DHRSX: variants seen among roughly 807,000 people sequenced by gnomAD.
DHRSX encodes the protein dehydrogenase/reductase X-linked.
In DHRSX, 31 loss-of-function variants were observed where a neutral mutation model predicts 34.0. The ratio of observed to expected loss-of-function variants is 0.91; its 90% CI spans 0.69 to 1.23. The LOEUF (loss-of-function observed/expected upper bound fraction) is 1.23. Ranked by LOEUF, DHRSX falls within the 50% of genes most tolerant of loss-of-function variation. The pLI is 0.00. For synonymous variants in DHRSX, 201 were observed against 183.8 expected, an observed-to-expected ratio of 1.09 and a Z score of -0.76; for missense variants, 414 against 428.1, an observed-to-expected ratio of 0.97 and a Z score of 0.29.
At chrX:2,426,582 C>G (rs2043851769) in intron 1 of DHRSX, among the ~76,000 whole-genome samples, 1 of 138,568 alleles carries the variant, frequency 7.2e-6, no homozygotes, top group Non-Finnish European at 1.5e-5. Flanking sequence ...TTCTTCATTC[C>G]TTCCTTCCCT....
chrX:2,252,613 T>C (rs1337905304), intron 5 of DHRSX, among the ~76,000 whole-genome samples: 1 of 152,164 alleles, frequency 6.6e-6, no homozygotes, highest in African/African-American at 2.4e-5. Flanking sequence ...ATGGAGGGGT[T>C]GGTTCTGTAA....
At chrX:2,360,537 C>T (rs556012134) in intron 3 of DHRSX, among the ~76,000 whole-genome samples, 795 of 152,144 alleles carry the variant, frequency 5.2e-3, no homozygotes, top group Non-Finnish European at 8.4e-3. Context: ...GAGCCAAGAT[C>T]GCGCCACTGC....
intron 5 of DHRSX, 94 bp from the exon 6 acceptor site, chrX:2,243,324 G>T: frequency 1.8e-6 from 2 of 1,092,218 alleles, no homozygotes; most frequent in Non-Finnish European, 2.7e-6. Context: ...CCACGGCCAC[G>T]TCTATACGCA....
At position 2,322,620 on chromosome X, in the gene DHRSX, G is replaced by A. The variant is rs1362927716; in HGVS notation, c.287-31017C>T. Among the ~76,000 whole-genome samples, 11 of 149,592 alleles carry A rather than the reference G, an allele frequency of 7.4e-5. No homozygotes were observed. The South Asian group carries it at 1.1e-3, about 15-fold the overall frequency. On this transcript the variant is annotated intron_variant, in intron 3 of 6. Transcript: ENST00000334651. ...TGATTCTCAAAGTTCCTTATAAGGC[G>A]ATTCTCCTGCCTCAGCCTCCTGAGT...
intron 4 of DHRSX, among the ~76,000 whole-genome samples, chrX:2,274,011 G>A (rs918463269): frequency 3.9e-5 from 6 of 152,200 alleles, no homozygotes; most frequent in Non-Finnish European, 8.8e-5. Flanking sequence ...GAGCTACTGC[G>A]AGTAATTACG....
chrX:2,299,013 A>AC lies in DHRSX; in HGVS notation c.287-7411_287-7410insG, dbSNP rs2041979717. On this transcript the variant is annotated intron_variant, in intron 3 of 6. Transcript: ENST00000334651. ...AAAAAAAAAAAAAAAAAAAAAAAAAAATGGGAAAAATGTGGAAGGATTCCT... is the reference window on the plus strand; with the variant it reads ...AAAAAAAAAAAAAAAAAAAAAAAAAACATGGGAAAAATGTGGAAGGATTCCT... Among the ~76,000 whole-genome samples, 3 of 149,448 alleles carry AC rather than the reference A, an allele frequency of 2.0e-5. 1 individual carries two copies. The highest frequency in any genetic ancestry group is 2.0e-4 in the Admixed American group (3 of 15,046).
intron 5 of DHRSX, among the ~76,000 whole-genome samples, chrX:2,259,365 G>GATAT (rs1246658058): frequency 2.0e-4 from 21 of 106,332 alleles, no homozygotes; most frequent in Non-Finnish European, 4.1e-4. Flanking sequence ...GATAGATATA[G>GATAT]ATATATATAG....
chrX:2,330,540 A>AAAGGG (rs931926614), intron 3 of DHRSX, among the ~76,000 whole-genome samples: 4 of 141,484 alleles, frequency 2.8e-5, no homozygotes, highest in Admixed American at 7.1e-5. Flanking sequence ...AAAGAAAAGA[A>AAAGGG]AAGGGAAGGG....
Position 2,283,503 on chromosome X carries a change from G to T in DHRSX, c.388+7999C>A, listed in dbSNP as rs180777890. Among the ~76,000 whole-genome samples, 710 of 152,274 alleles carry T rather than the reference G, an allele frequency of 4.7e-3. 5 individuals are homozygous for T. Among genetic ancestry groups the T allele is most frequent in the African/African-American group, 0.015 (604 of 41,552 alleles). On this transcript the variant is annotated intron_variant, in intron 4 of 6. Transcript: ENST00000334651. ...TTCCGTCTTCCCGGGAGGGAGACCA[G>T]ATGACTGTGGAGCCCGAGTCACATA...
intron 1 of DHRSX, chrX:2,486,872 G>C (rs1207407310): frequency 2.0e-5 from 3 of 152,246 alleles, no homozygotes; most frequent in African/African-American, 7.2e-5. Context: ...ATTCTGTGCT[G>C]CTTGCAGCCC....
At chrX:2,274,285 G>A (rs2041595670) in intron 4 of DHRSX, among the ~76,000 whole-genome samples, 2 of 151,840 alleles carry the variant, frequency 1.3e-5, no homozygotes, top group Admixed American at 6.6e-5. Context: ...TGATCCTCCC[G>A]CCTTGGCCTC....
chrX:2,352,059 GC>G (rs2124576112), intron 3 of DHRSX, among the ~76,000 whole-genome samples: 1 of 151,982 alleles, frequency 6.6e-6, no homozygotes, highest in South Asian at 2.1e-4. Context: ...GTGCATTTTT[GC>G]CCCCTAAAAG....
chrX:2,224,656 GCA>G lies in DHRSX; in HGVS notation c.805-3429_805-3428del, dbSNP rs377615886. Among the ~76,000 whole-genome samples the G allele has an allele frequency of 1.7e-3, 265 of 152,030 alleles. 1 individual carries two copies. The highest frequency in any genetic ancestry group is 6.1e-3 in the African/African-American group (252 of 41,476). ...CGCATGGTCACTTACATGCTGACAT[GCA>G]CACATACATTCGTATGTACTCACAT... On this transcript the variant is annotated intron_variant, in intron 6 of 6. Transcript: ENST00000334651.
At chrX:2,286,519 C>T (rs145913659) in intron 4 of DHRSX, among the ~76,000 whole-genome samples, 7,187 of 152,194 alleles carry the variant, frequency 0.047, 363 homozygotes, top group African/African-American at 0.12. Flanking sequence ...ATGGGCTTCA[C>T]GAAGCTCCAT....
intron 6 of DHRSX, among the ~76,000 whole-genome samples, chrX:2,231,622 ATC>A (rs2015884132): frequency 5.4e-5 from 6 of 110,660 alleles, no homozygotes; most frequent in Admixed American, 3.2e-4. Flanking sequence ...CTCCTTTCCC[ATC>A]TCTTTCTCCC....
chrX:2,272,965 G>A (rs1019755601), intron 4 of DHRSX, among the ~76,000 whole-genome samples: 4 of 152,170 alleles, frequency 2.6e-5, no homozygotes, highest in African/African-American at 9.7e-5. Context: ...AGGAAAAGAA[G>A]TCCTTATATC....
intron 5 of DHRSX, among the ~76,000 whole-genome samples, chrX:2,263,947 C>A (rs1445076671): frequency 6.6e-6 from 1 of 152,204 alleles, no homozygotes; most frequent in African/African-American, 2.4e-5. Context: ...CATTGCGTGT[C>A]GACAGGAGTC....
chrX:2,426,462 C>CTTT (rs2043848423), intron 1 of DHRSX, among the ~76,000 whole-genome samples: 1 of 140,568 alleles, frequency 7.1e-6, no homozygotes, highest in African/African-American at 2.6e-5. Flanking sequence ...CTCTTTCCTT[C>CTTT]CCTCCCTCCT....
intron 1 of DHRSX, among the ~76,000 whole-genome samples, chrX:2,486,098 C>T (rs771035633): frequency 2.0e-5 from 3 of 151,966 alleles, no homozygotes; most frequent in African/African-American, 7.3e-5. Context: ...CAGGCTGCCT[C>T]GTCCATGGGG....
Sources: allele counts gnomAD v4.1 joint callset (sites outside exome capture counted in the v4.1 genomes callset), GRCh38; gene constraint gnomAD v4.1.1; transcripts MANE v1.5; gene names NCBI Gene and HGNC (gene_info 2026-07-23, HGNC 2026-07-21).